The following MAOA variants were observed in gnomAD, a reference collection of about 807,000 sequenced individuals.
MAOA encodes the protein monoamine oxidase A.
A neutral mutation model predicts 42.0 loss-of-function variants in MAOA; 6 were observed. The observed-to-expected ratio is 0.14, with a 90% confidence interval of 0.08 to 0.28. The LOEUF is 0.28. Ranked by LOEUF, MAOA falls within the 10% of genes least tolerant of loss-of-function variation. MAOA has a pLI of 1.00. For missense variants in MAOA, 262 were observed against 422.3 expected (o/e 0.62, Z 3.33); for synonymous variants, 140 against 154.0 (o/e 0.91, Z 0.67).
chrX:43,672,465 A>G (rs1258684390), intron 1 of MAOA, among the ~76,000 whole-genome samples: 3 of 111,365 alleles, frequency 2.7e-5, no homozygotes, highest in African/African-American at 6.5e-5. Context: ...CCCTGGCCAG[A>G]AATTCCAACA....
At chrX:43,706,780 C>T (rs1278608897) in intron 3 of MAOA, among the ~76,000 whole-genome samples, 2 of 111,583 alleles carry the variant, frequency 1.8e-5, no homozygotes, top group Non-Finnish European at 3.8e-5. Context: ...CAACACTACA[C>T]TCCAGCCTGG....
chrX:43,708,912 G>C (rs1365218382), intron 3 of MAOA, among the ~76,000 whole-genome samples: 1 of 110,244 alleles, frequency 9.1e-6, no homozygotes, highest in African/African-American at 3.3e-5. Flanking sequence ...TCAGGCTGGA[G>C]TGCAGTGACG....
At chrX:43,694,999 G>A (rs1601935832) in intron 3 of MAOA, among the ~76,000 whole-genome samples, 1 of 112,113 alleles carries the variant, frequency 8.9e-6, no homozygotes. Context: ...CATCCACCCT[G>A]CTAGGCAGGC....
chrX:43,730,464 A>T (rs1006208679), intron 6 of MAOA, among the ~76,000 whole-genome samples: 1 of 103,668 alleles, frequency 9.6e-6, no homozygotes, highest in Non-Finnish European at 2.0e-5. Context: ...GCAAAAAGTT[A>T]CTCAAGATCT....
At chrX:43,739,457 A>G (rs1156491209) in intron 10 of MAOA, among the ~76,000 whole-genome samples, 1 of 112,449 alleles carries the variant, frequency 8.9e-6, no homozygotes, top group Non-Finnish European at 1.9e-5. Context: ...TCTGGAAGTT[A>G]TAAAAATGGT....
intron 5 of MAOA, among the ~76,000 whole-genome samples, chrX:43,714,037 A>G (rs2033718735): frequency 9.0e-6 from 1 of 110,977 alleles, no homozygotes; most frequent in African/African-American, 3.3e-5. Context: ...GGAGTAACCC[A>G]TAGGGTTGAT....
Position 43,667,063 on chromosome X carries a change from A to G in MAOA, c.73+10649A>G, listed in dbSNP as rs763349010. ...TAAATGACGAGTCAATGGGTGCAGCACACCAACCTGGTGCATGTATACATA... is the reference window on the plus strand; with the variant it reads ...TAAATGACGAGTCAATGGGTGCAGCGCACCAACCTGGTGCATGTATACATA... On this transcript the variant is annotated intron_variant, in intron 1 of 14. Coordinates refer to ENST00000338702, the MANE Select transcript of MAOA (RefSeq NM_000240.4). Among the ~76,000 whole-genome samples, 21 of 109,837 alleles carry G rather than the reference A, an allele frequency of 1.9e-4. No individual in the cohort carries two copies. In the South Asian group the frequency reaches 2.5e-3, roughly 13 times the overall value.
At chrX:43,664,779 A>C (rs1378427561) in intron 1 of MAOA, among the ~76,000 whole-genome samples, 2 of 111,683 alleles carry the variant, frequency 1.8e-5, no homozygotes, top group Non-Finnish European at 3.8e-5. Context: ...TGCTTTGGGC[A>C]TATTGCCTCA....
chrX:43,718,877 G>A (rs976280258), intron 5 of MAOA, among the ~76,000 whole-genome samples: 17 of 110,964 alleles, frequency 1.5e-4, no homozygotes, highest in African/African-American at 5.3e-4. Flanking sequence ...GGAGTGGTGG[G>A]GGAGATAACT....
intron 1 of MAOA, among the ~76,000 whole-genome samples, chrX:43,665,820 A>AGAT (rs920495225): frequency 2.8e-5 from 3 of 108,441 alleles, no homozygotes; most frequent in Non-Finnish European, 1.9e-5. Context: ...TTAGATAGAT[A>AGAT]GATAGATAGA....
At chrX:43,705,720 C>T (rs1307286054) in intron 3 of MAOA, among the ~76,000 whole-genome samples, 1 of 111,675 alleles carries the variant, frequency 9.0e-6, no homozygotes. Context: ...TGATAAAGGA[C>T]TTGTATTCCG....
intron 6 of MAOA, among the ~76,000 whole-genome samples, chrX:43,730,689 C>T (rs1440858522): frequency 9.1e-6 from 1 of 109,374 alleles, no homozygotes; most frequent in African/African-American, 3.3e-5. Context: ...CCACAGCACC[C>T]GGCCCTTCTT....
Position 43,744,657 on chromosome X carries a change from T to C in MAOA, c.*144T>C, listed in dbSNP as rs1016991561. 1.6e-6 allele frequency: 1 copy of C among 617,821 alleles called. No individual in the cohort carries two copies. Among genetic ancestry groups the C allele is most frequent in the Non-Finnish European group, 2.6e-6 (1 of 385,343 alleles). 50.9% of individuals were successfully genotyped at this position (617,821 alleles called of 1,213,427 possible). On this transcript the variant is annotated 3_prime_UTR_variant, in exon 15 of 15. Transcript: ENST00000338702. ...GGCTTAATTCCAATCATTGTTAAAG[T>C]AAAAACAATTCAAAGAATCACCTAA...
intron 1 of MAOA, among the ~76,000 whole-genome samples, chrX:43,660,621 A>C (rs1392296732): frequency 9.0e-6 from 1 of 111,537 alleles, no homozygotes; most frequent in Non-Finnish European, 1.9e-5. Flanking sequence ...TATTCTATCT[A>C]TCCTTCAATG....
At chrX:43,658,911 T>C (rs779838054) in intron 1 of MAOA, among the ~76,000 whole-genome samples, 7 of 111,686 alleles carry the variant, frequency 6.3e-5, no homozygotes, top group Non-Finnish European at 1.1e-4. Flanking sequence ...ACATACCATT[T>C]TTGTGTGTGC....
At chrX:43,743,045 G>T (rs949353940) in intron 12 of MAOA, among the ~76,000 whole-genome samples, 47 of 110,854 alleles carry the variant, frequency 4.2e-4, no homozygotes, top group African/African-American at 1.5e-3. Context: ...TCTGGAATTG[G>T]AAAAAGGAGT....
Position 43,669,372 on chromosome X carries a change from C to T in MAOA, c.73+12958C>T, listed in dbSNP as rs768771400. Among the ~76,000 whole-genome samples the T allele has an allele frequency of 4.1e-4, 45 of 110,578 alleles. 1 individual carries two copies. Among genetic ancestry groups the T allele is most frequent in the African/African-American group, 1.2e-3 (38 of 30,456 alleles). On this transcript the variant is annotated intron_variant, in intron 1 of 14. Transcript: ENST00000338702. The stretch of plus-strand genomic sequence containing the variant: ...GGCAGAGATTGCAGTGAGCTGAGAC[C>T]GTACCACTGCACTCCAGCCTGGGCA...
At chrX:43,675,521 T>C (rs2033386891) in intron 1 of MAOA, among the ~76,000 whole-genome samples, 1 of 112,446 alleles carries the variant, frequency 8.9e-6, no homozygotes, top group African/African-American at 3.2e-5. Flanking sequence ...GGCACTCTGC[T>C]TTTTAGAGTT....
chrX:43,694,084 T>C (rs1232733140), intron 3 of MAOA, among the ~76,000 whole-genome samples: 1 of 111,659 alleles, frequency 9.0e-6, no homozygotes, highest in Non-Finnish European at 1.9e-5. Context: ...TTTTTCTTTC[T>C]CACTGAAGCC....
Sources: gnomAD v4.1 joint callset for allele counts (sites outside exome capture counted in the v4.1 genomes callset) on GRCh38, gnomAD v4.1.1 for gene constraint, MANE v1.5 for transcripts, NCBI Gene and HGNC (gene_info 2026-07-23, HGNC 2026-07-21) for gene names.